The following EBF1 variants were observed in gnomAD, a reference collection of about 807,000 sequenced individuals.
The protein encoded by EBF1 is EBF transcription factor 1.
In EBF1, 10 loss-of-function variants were observed where a neutral mutation model predicts 68.4. That is an observed-to-expected ratio of 0.15 (90% confidence interval 0.09 to 0.25). The LOEUF is 0.25. EBF1 is among the 10% of genes least tolerant of loss of function. The pLI is 1.00. For missense variants in EBF1, 509 were observed against 794.4 expected (o/e 0.64, Z 4.32); for synonymous variants, 298 against 299.8 (o/e 0.99, Z 0.06).
At chr5:158,737,322 C>T (rs1210117815) in intron 10 of EBF1, among the ~76,000 whole-genome samples, 15 of 133,516 alleles carry the variant, frequency 1.1e-4, no homozygotes, top group African/African-American at 4.0e-4. Context: ...CTCGCTCCGT[C>T]GCCCAGGGTG....
chr5:159,082,242 T>C (rs2127975876), intron 5 of EBF1, among the ~76,000 whole-genome samples: 1 of 152,330 alleles, frequency 6.6e-6, no homozygotes, highest in Non-Finnish European at 1.5e-5. Context: ...ACTATAAATA[T>C]ACAGCTTTCA....
At chr5:159,098,315 A>C (rs1431851967) in intron 1 of EBF1, among the ~76,000 whole-genome samples, 2 of 152,236 alleles carry the variant, frequency 1.3e-5, no homozygotes, top group Non-Finnish European at 2.9e-5. Flanking sequence ...CAGGCCACAC[A>C]GTCTAGTGTC....
intron 6 of EBF1, among the ~76,000 whole-genome samples, chr5:158,945,333 T>G (rs1814417263): frequency 6.6e-6 from 1 of 152,254 alleles, no homozygotes; most frequent in Non-Finnish European, 1.5e-5. Context: ...TAGGGGATTC[T>G]TTCCCCATTA....
At chr5:158,988,076 C>T (rs1445124096) in intron 6 of EBF1, among the ~76,000 whole-genome samples, 2 of 152,120 alleles carry the variant, frequency 1.3e-5, no homozygotes, top group Admixed American at 6.5e-5. Context: ...GCATCTAGCA[C>T]ATTATCTGGA....
At chr5:158,862,107 T>C (rs569721988) in intron 6 of EBF1, among the ~76,000 whole-genome samples, 14 of 152,326 alleles carry the variant, frequency 9.2e-5, no homozygotes, top group Non-Finnish European at 2.1e-4. Flanking sequence ...TGAACATTCT[T>C]GTATGTAAAA....
intron 6 of EBF1, among the ~76,000 whole-genome samples, chr5:158,844,048 A>C (rs1470855070): frequency 1.3e-5 from 2 of 152,102 alleles, no homozygotes; most frequent in African/African-American, 4.8e-5. Flanking sequence ...GTCAGGAGAA[A>C]AAGTGTGGCA....
At chr5:158,771,442 T>G (rs186635369) in intron 10 of EBF1, among the ~76,000 whole-genome samples, 86 of 152,216 alleles carry the variant, frequency 5.6e-4, no homozygotes, top group Non-Finnish European at 1.1e-3. Context: ...GATTCTTAAT[T>G]AACAGCTCTT....
intron 6 of EBF1, among the ~76,000 whole-genome samples, chr5:159,033,015 C>G (rs1293451669): frequency 6.6e-6 from 1 of 152,122 alleles, no homozygotes; most frequent in East Asian, 1.9e-4. Context: ...CGCCCCCACC[C>G]CCAAACTAAA....
At chr5:158,990,969 C>G (rs1444029753) in intron 6 of EBF1, among the ~76,000 whole-genome samples, 1 of 152,150 alleles carries the variant, frequency 6.6e-6, no homozygotes, top group Non-Finnish European at 1.5e-5. Context: ...ACTAATGGAT[C>G]CCAACACTGA....
At position 158,996,461 on chromosome 5, in the gene EBF1, G is replaced by C. The variant is rs138641196; in HGVS notation, c.554+76935C>G. ...TTCTGTCTTTTACCCAGAAGTAAGGGGCAAAGGATATTGTTTCACTTTCTT... is the reference window on the plus strand; with the variant it reads ...TTCTGTCTTTTACCCAGAAGTAAGGCGCAAAGGATATTGTTTCACTTTCTT... On this transcript the variant is annotated intron_variant, in intron 6 of 15. Transcript: ENST00000313708. Among the ~76,000 whole-genome samples, 20 of 152,258 alleles carry C rather than the reference G, an allele frequency of 1.3e-4. 1 individual carries two copies. The East Asian group carries it at 3.9e-3, about 29-fold the overall frequency.
At chr5:159,050,191 T>TCTCTCTCTCTCCTCTCCTCC (rs1305581415) in intron 6 of EBF1, among the ~76,000 whole-genome samples, 39 of 146,148 alleles carry the variant, frequency 2.7e-4, no homozygotes, top group East Asian at 7.9e-4. Flanking sequence ...TTCTCTCTTT[T>TCTCTCTCTCTCCTCTCCTCC]CTCTCTCTCT....
intron 6 of EBF1, among the ~76,000 whole-genome samples, chr5:158,969,117 C>T (rs1256133810): frequency 6.6e-6 from 1 of 152,064 alleles, no homozygotes; most frequent in African/African-American, 2.4e-5. Context: ...GCCTGGACAA[C>T]ATGGTAAAAC....
chr5:158,767,301 T>C (rs2127639748), intron 10 of EBF1, among the ~76,000 whole-genome samples: 1 of 152,310 alleles, frequency 6.6e-6, no homozygotes, highest in South Asian at 2.1e-4. Flanking sequence ...TAAGTATGCA[T>C]TATGTTCACA....
At chr5:158,912,036 G>C (rs1316143873) in intron 6 of EBF1, among the ~76,000 whole-genome samples, 1 of 152,116 alleles carries the variant, frequency 6.6e-6, no homozygotes, top group Non-Finnish European at 1.5e-5. Context: ...AGTAATGACA[G>C]TTTCACCTCC....
chr5:158,853,583 C>T (rs1466291305), intron 6 of EBF1, among the ~76,000 whole-genome samples: 3 of 152,016 alleles, frequency 2.0e-5, no homozygotes, highest in Admixed American at 1.3e-4. Flanking sequence ...GTAAGAAGAG[C>T]TTACATCATA....
chr5:158,717,032 C>A (rs1760879180), intron 11 of EBF1, among the ~76,000 whole-genome samples: 1 of 152,134 alleles, frequency 6.6e-6, no homozygotes, highest in Non-Finnish European at 1.5e-5. Context: ...ATTGAAAGGG[C>A]ACTGCAGTTT....
chr5:158,821,383 T>C (rs1290248169), intron 8 of EBF1, among the ~76,000 whole-genome samples: 2 of 152,188 alleles, frequency 1.3e-5, no homozygotes, highest in African/African-American at 4.8e-5. Flanking sequence ...CTATGTTTGC[T>C]TTTGGTTTTT....
chr5:158,993,346 C>A (rs1349080802), intron 6 of EBF1, among the ~76,000 whole-genome samples: 1 of 152,134 alleles, frequency 6.6e-6, no homozygotes, highest in Non-Finnish European at 1.5e-5. Flanking sequence ...CCATGCCTGG[C>A]CCTGTTTCTT....
At chr5:158,883,352 A>ATATATATACACATACATACATG (rs1175084260) in intron 6 of EBF1, among the ~76,000 whole-genome samples, 18 of 150,130 alleles carry the variant, frequency 1.2e-4, no homozygotes, top group African/African-American at 3.5e-4. Context: ...ATGCATGTAT[A>ATATATATACACATACATACATG]TATATATATA....
Sources: gnomAD v4.1 joint callset for allele counts (sites outside exome capture counted in the v4.1 genomes callset) on GRCh38, gnomAD v4.1.1 for gene constraint, MANE v1.5 for transcripts, NCBI Gene and HGNC (gene_info 2026-07-23, HGNC 2026-07-21) for gene names.